SPATA13: variants seen among roughly 807,000 people sequenced by gnomAD.
SPATA13 encodes spermatogenesis associated 13, also known as spermatogenesis-associated protein 13.
In SPATA13, 50 loss-of-function variants were observed where a neutral mutation model predicts 104.0. The observed-to-expected ratio is 0.48, with a 90% CI of 0.38 to 0.61. The LOEUF (loss-of-function observed/expected upper bound fraction) is 0.61. SPATA13 is among the 20% of genes least tolerant of loss of function. SPATA13 has a pLI of 0.00. For missense variants in SPATA13, 1,524 were observed against 1,690.6 expected (o/e 0.90, Z 1.73); for synonymous variants, 606 against 667.5 (o/e 0.91, Z 1.42).
At chr13:24,121,335 C>G (rs115228509) in intron 3 of SPATA13, among the ~76,000 whole-genome samples, 2 of 152,120 alleles carry the variant, frequency 1.3e-5, no homozygotes, top group African/African-American at 4.8e-5. Flanking sequence ...ATTGCTAGTT[C>G]GTTTTTCAAT....
chr13:24,122,184 C>T, intron 3 of SPATA13: 1 of 1,547,840 alleles, frequency 6.5e-7, no homozygotes, highest in Non-Finnish European at 8.9e-7. Flanking sequence ...CTTCTTTGAT[C>T]AGCCAGCATT....
chr13:24,146,781 T>C (rs143133356), intron 3 of SPATA13, among the ~76,000 whole-genome samples: 112 of 152,302 alleles, frequency 7.4e-4, no homozygotes, highest in African/African-American at 2.6e-3. Flanking sequence ...CTTCCTGCAG[T>C]CTCAAATGCC....
At chr13:24,141,864 A>C (rs1429455908) in intron 3 of SPATA13, among the ~76,000 whole-genome samples, 1 of 152,188 alleles carries the variant, frequency 6.6e-6, no homozygotes, top group Non-Finnish European at 1.5e-5. Flanking sequence ...GCTAACCATT[A>C]CTTTAGGCCA....
rs117708681 is a variant in SPATA13, at chr13:24,269,018, A to G, written c.2165-15117A>G. 1.5e-3 allele frequency among the ~76,000 whole-genome samples: 224 copies of G among 152,314 alleles called. 2 individuals carry two copies. Among genetic ancestry groups the G allele is most frequent in the Non-Finnish European group, 2.7e-3 (181 of 68,018 alleles). The stretch of plus-strand genomic sequence containing the variant: ...ACTAATCATACAGCTTTCCATTCTG[A>G]GTTCATGCTGTGATTTCTCTGGGAA... On this transcript the variant is annotated intron_variant, in intron 4 of 12. Coordinates refer to ENST00000382108, the MANE Select transcript of SPATA13 (RefSeq NM_001166271.3).
chr13:24,136,931 G>A lies in SPATA13; in HGVS notation c.-111-85888G>A, dbSNP rs1421504247. Among the ~76,000 whole-genome samples the A allele has an allele frequency of 5.3e-5, 3 of 57,012 alleles. 1 individual carries two copies. The highest frequency in any genetic ancestry group is 1.3e-3 in the South Asian group (2 of 1,494). The allele number at this position is 57,012 out of a possible 152,430, so 37.4% of individuals were successfully genotyped here. On this transcript the variant is annotated intron_variant, in intron 3 of 14. Coordinates refer to the SPATA13 transcript ENST00000424834. ...TGCAAGCTCCGCCTCCCAGGTTCACGCCATTCTCCTGCCTCAGCCTCCCGA... is the reference window on the plus strand; with the variant it reads ...TGCAAGCTCCGCCTCCCAGGTTCACACCATTCTCCTGCCTCAGCCTCCCGA...
rs373484011 is a variant in SPATA13 at position 24,190,122 on chromosome 13, TA to T, written c.-112+29192del. On this transcript the variant is annotated intron_variant, in intron 1 of 12. Transcript: ENST00000382108. ...ATACAATATATATTATTATATAACA[TA>T]ATAATATACAATATATATTATTATA... Among the ~76,000 whole-genome samples, 24 of 15,024 alleles carry T rather than the reference TA, an allele frequency of 1.6e-3. 5 individuals are homozygous for T. The highest frequency in any genetic ancestry group is 4.4e-3 in the African/African-American group (18 of 4,088). 9.9% of individuals were successfully genotyped at this position (15,024 alleles called of 152,430 possible).
intron 3 of SPATA13, among the ~76,000 whole-genome samples, chr13:24,155,579 A>G (rs1882234015): frequency 6.6e-6 from 1 of 152,214 alleles, no homozygotes; most frequent in African/African-American, 2.4e-5. Context: ...GAACCAAGCC[A>G]GAGTCAGTGA....
intron 3 of SPATA13, among the ~76,000 whole-genome samples, chr13:24,021,520 C>T (rs982079532): frequency 2.6e-5 from 4 of 152,066 alleles, no homozygotes; most frequent in African/African-American, 9.7e-5. Context: ...AATTAAAAAC[C>T]AGTATCAGGC....
At chr13:24,077,722 C>T (rs1397140468) in intron 3 of SPATA13, among the ~76,000 whole-genome samples, 1 of 152,108 alleles carries the variant, frequency 6.6e-6, no homozygotes, top group Non-Finnish European at 1.5e-5. Context: ...TGCTGTAGGC[C>T]CCAGGACCGT....
rs572911697 is a variant in SPATA13 at position 24,287,614 on chromosome 13, A to G, written c.2667+664A>G. On this transcript the variant is annotated intron_variant, in intron 7 of 12. Coordinates refer to ENST00000382108, the MANE Select transcript of SPATA13 (RefSeq NM_001166271.3). ...ATCTGCAACCCCGCTGCATCTAATC[A>G]CCAACTGACAGATGAGATCCTGAGT... Among the ~76,000 whole-genome samples the G allele has an allele frequency of 2.0e-5, 3 of 152,334 alleles. No homozygotes were observed. In the South Asian group the frequency reaches 6.2e-4, roughly 32 times the overall value.
chr13:23,997,754 G>A (rs891632732), intron 2 of SPATA13, among the ~76,000 whole-genome samples: 7 of 151,998 alleles, frequency 4.6e-5, no homozygotes, highest in Admixed American at 2.0e-4. Context: ...AGGGGGAGGT[G>A]CCAGCCTCTA....
At position 24,224,269 on chromosome 13, in the gene SPATA13, C is replaced by T; in HGVS notation, c.1340C>T (p.Pro447Leu). ...GTGTTGAGCAAAGACTCCTGTGACC[C>T]AAACGCTGGCAGCCAGTTGACATTT... ...QDVLSKDSCD[P>L]NAGSQLTFDP... Residue 447 changes from proline (P) to leucine (L), a missense_variant, in exon 2 of 13, where the codon CCA becomes CTA. This residue lies in a region of SPATA13 where 1,089 missense variants were observed against 1,135.9 expected (regional missense o/e 0.96). Coordinates refer to ENST00000382108, the MANE Select transcript of SPATA13 (RefSeq NM_001166271.3). The T allele has an allele frequency of 6.4e-7, 1 of 1,551,694 alleles. No homozygotes were observed.
At position 24,161,328 on chromosome 13, in the gene SPATA13, G is replaced by T. The variant is rs1882480123; in HGVS notation, c.-112+396G>T. Among the ~76,000 whole-genome samples the T allele has an allele frequency of 6.6e-6, 1 of 152,208 alleles. No homozygotes were observed. Among genetic ancestry groups the T allele is most frequent in the Non-Finnish European group, 1.5e-5 (1 of 68,034 alleles). ...GGTGGCAGAGTCTGGGGAGCCTGGC[G>T]CGGCGGAGCCCTGTAACGCTCTGCT... On this transcript the variant is annotated intron_variant, in intron 1 of 12. Coordinates refer to ENST00000382108, the MANE Select transcript of SPATA13 (RefSeq NM_001166271.3). This position sits in a 1 kb window ranked among gnomAD's most constrained non-coding sequence, Gnocchi z 4.5.
intron 2 of SPATA13, among the ~76,000 whole-genome samples, chr13:23,986,880 T>C (rs12429878): frequency 0.41 from 62,658 of 151,646 alleles, 13,223 homozygotes; most frequent in Admixed American, 0.49. Flanking sequence ...GGAAACATCA[T>C]GGGATCTCGT....
At chr13:24,284,005 T>C (rs1875732969) in intron 4 of SPATA13, 130 bp from the exon 5 acceptor site, 1 of 903,774 alleles carries the variant, frequency 1.1e-6, no homozygotes, top group Non-Finnish European at 1.6e-6. Context: ...CATTTTCTAA[T>C]AGTTTCTTAT....
At chr13:24,203,268 T>G (rs1870526089) in intron 1 of SPATA13, among the ~76,000 whole-genome samples, 1 of 152,032 alleles carries the variant, frequency 6.6e-6, no homozygotes, top group African/African-American at 2.4e-5. Flanking sequence ...AGAACCATTC[T>G]GTAGAGGATG....
At chr13:24,221,204 C>A (rs1871567013) in intron 1 of SPATA13, among the ~76,000 whole-genome samples, 1 of 152,074 alleles carries the variant, frequency 6.6e-6, no homozygotes, top group Non-Finnish European at 1.5e-5. Flanking sequence ...AGGCAAATGA[C>A]CTAACCTGCC....
At chr13:23,987,893 G>T (rs1875230067) in intron 2 of SPATA13, among the ~76,000 whole-genome samples, 1 of 151,566 alleles carries the variant, frequency 6.6e-6, no homozygotes, top group Non-Finnish European at 1.5e-5. Context: ...TTCACATAAC[G>T]CAACGTTCTT....
intron 3 of SPATA13, among the ~76,000 whole-genome samples, chr13:24,042,481 G>A (rs1197304246): frequency 6.6e-6 from 1 of 152,206 alleles, no homozygotes; most frequent in Non-Finnish European, 1.5e-5. Context: ...CATTGGTGCC[G>A]ATCCTCACGA....
Sources: allele counts gnomAD v4.1 joint callset (sites outside exome capture counted in the v4.1 genomes callset), GRCh38; gene constraint gnomAD v4.1.1; regional missense constraint gnomAD v4.1.1; non-coding constraint Gnocchi (gnomAD v3.1); transcripts MANE v1.5; gene names NCBI Gene and HGNC (gene_info 2026-07-23, HGNC 2026-07-21).